TSBP1: variants seen among roughly 807,000 people sequenced by gnomAD.
TSBP1 encodes testis expressed basic protein 1.
Under a neutral mutation model 68.8 loss-of-function variants are expected in TSBP1, and 56 were observed. The ratio of observed to expected loss-of-function variants is 0.81; its 90% CI spans 0.66 to 1.02. The LOEUF is 1.02. TSBP1 is among the 50% of genes least tolerant of loss of function. TSBP1 has a pLI of 0.00. For synonymous variants in TSBP1, 171 were observed against 208.7 expected, an observed-to-expected ratio of 0.82 and a Z score of 1.56; for missense variants, 502 against 641.2, an observed-to-expected ratio of 0.78 and a Z score of 2.34.
intron 8 of TSBP1, among the ~76,000 whole-genome samples, chr6:32,353,495 C>A (rs3117117): frequency 0.87 from 131,784 of 151,964 alleles, 57,214 homozygotes; most frequent in Middle Eastern, 0.95. Flanking sequence ...TTGATTTTAC[C>A]AATTAATCTA....
chr6:32,323,908 T>C, intron 16 of TSBP1: 2 of 413,906 alleles, frequency 4.8e-6, no homozygotes, highest in Non-Finnish European at 8.7e-6. Context: ...GGTGAAAACA[T>C]GGACATACTG....
intron 6 of TSBP1, among the ~76,000 whole-genome samples, chr6:32,363,440 C>T (rs1773293402): frequency 1.3e-5 from 2 of 150,900 alleles, no homozygotes. Flanking sequence ...TTTGTATATC[C>T]TTTCTTCCTT....
chr6:32,368,770 A>G lies in TSBP1; in HGVS notation c.133+12T>C, dbSNP rs769874016. 4 of 1,570,644 alleles carry G rather than the reference A, an allele frequency of 2.5e-6. No individual in the cohort carries two copies. Among genetic ancestry groups the G allele is most frequent in the Non-Finnish European group, 1.7e-6 (2 of 1,148,862 alleles). ...TACTATATTTATTTTTCTCATGAGT[A>G]TAAGTACTTACTTTGTTCTGAACTG... On this transcript the variant is annotated intron_variant, in intron 3 of 22. Transcript: ENST00000612031.
chr6:32,330,687 G>T, intron 15 of TSBP1, 78 bp from the exon 17 acceptor site: 4 of 1,436,958 alleles, frequency 2.8e-6, no homozygotes, highest in Non-Finnish European at 3.7e-6. Flanking sequence ...TCTATTTTTT[G>T]AGACAGAGTC....
chr6:32,370,311 G>C (rs1774240226), intron 1 of TSBP1, among the ~76,000 whole-genome samples: 1 of 150,986 alleles, frequency 6.6e-6, no homozygotes, highest in African/African-American at 2.4e-5. Flanking sequence ...GGGAATCAGT[G>C]GTCTACGAAG....
At chr6:32,334,764 T>G (rs9378257) in intron 14 of TSBP1, among the ~76,000 whole-genome samples, 50,955 of 151,952 alleles carry the variant, frequency 0.34, 9,558 homozygotes, top group Middle Eastern at 0.52. Flanking sequence ...CCAGGCGCAG[T>G]GGCTCACGCC....
rs150562990 is a variant in TSBP1, at chr6:32,361,663, C to T, written c.217+4504G>A. Among the ~76,000 whole-genome samples, 76 of 152,114 alleles carry T rather than the reference C, an allele frequency of 5.0e-4. No homozygotes were observed. The highest frequency in any genetic ancestry group is 1.7e-3 in the African/African-American group (72 of 41,496). On this transcript the variant is annotated intron_variant, in intron 6 of 22. Transcript: ENST00000612031. This position sits in a 1 kb window ranked among gnomAD's most constrained non-coding sequence, Gnocchi z 4.3. The stretch of plus-strand genomic sequence containing the variant: ...TATTTTTTCATATGTCTGTTGGCTG[C>T]GTAAATGTCTTCTTTTAAGAATTGT...
intron 19 of TSBP1, among the ~76,000 whole-genome samples, chr6:32,311,700 G>A (rs1766418034): frequency 6.6e-6 from 1 of 152,180 alleles, no homozygotes; most frequent in Admixed American, 6.5e-5. Flanking sequence ...CAAAGGAATG[G>A]TGTTGTAGGG....
At chr6:32,332,686 T>C (rs750973985) in intron 14 of TSBP1, among the ~76,000 whole-genome samples, 3 of 152,116 alleles carry the variant, frequency 2.0e-5, no homozygotes, top group Non-Finnish European at 4.4e-5. Context: ...CCTAGCTCAC[T>C]ACAGTCTCGA....
exon 23 of TSBP1, chr6:32,293,733 T>C: frequency 6.2e-7 from 1 of 1,612,740 alleles, no homozygotes; most frequent in South Asian, 1.1e-5. Context: ...TGTGGTATAC[T>C]CATCTCACTG....
intron 9 of TSBP1, among the ~76,000 whole-genome samples, chr6:32,344,274 CTCCA>C (rs1562151076): frequency 5.0e-4 from 38 of 76,390 alleles, no homozygotes; most frequent in Admixed American, 5.7e-4. Flanking sequence ...ACCCCCCACC[CTCCA>C]CCCCACAACA....
At chr6:32,331,326 A>G (rs1768993461) in intron 15 of TSBP1, among the ~76,000 whole-genome samples, 1 of 152,312 alleles carries the variant, frequency 6.6e-6, no homozygotes, top group Non-Finnish European at 1.5e-5. Flanking sequence ...AAGTTATTCT[A>G]ATGATTACTG....
chr6:32,339,042 T>G (rs775545162), intron 10 of TSBP1, 43 bp from the exon 12 acceptor site: 9 of 1,555,720 alleles, frequency 5.8e-6, no homozygotes, highest in Non-Finnish European at 8.0e-6. Context: ...AGAGCATGAC[T>G]CAAGGGTGTT....
At chr6:32,362,426 C>G (rs1004126163) in intron 6 of TSBP1, among the ~76,000 whole-genome samples, 2 of 152,272 alleles carry the variant, frequency 1.3e-5, no homozygotes, top group African/African-American at 2.4e-5. Context: ...CATGCGCCCC[C>G]TCAGCCTTGG....
exon 23 of TSBP1, chr6:32,293,752 T>C (rs1582948314): frequency 6.2e-7 from 1 of 1,612,826 alleles, no homozygotes; most frequent in South Asian, 1.1e-5. Flanking sequence ...TGATTTTTAG[T>C]TGGGTTTCCT....
Position 32,333,776 on chromosome 6 carries a change from T to G in TSBP1, c.472+1661A>C, listed in dbSNP as rs144236220. 9.2e-5 allele frequency among the ~76,000 whole-genome samples: 14 copies of G among 152,302 alleles called. No homozygotes were observed. The highest frequency in any genetic ancestry group is 3.1e-4 in the African/African-American group (13 of 41,534). On this transcript the variant is annotated intron_variant, in intron 14 of 22. Transcript: ENST00000612031. This position sits in a 1 kb window ranked among gnomAD's most constrained non-coding sequence, Gnocchi z 4.2. ...CTAAAAAGACCATATCTTCACCCAGTGGGCATTGCAGTTAATAATCCTTCA... is the reference window on the plus strand; with the variant it reads ...CTAAAAAGACCATATCTTCACCCAGGGGGCATTGCAGTTAATAATCCTTCA...
intron 16 of TSBP1, among the ~76,000 whole-genome samples, chr6:32,329,346 G>A (rs1247262087): frequency 6.6e-6 from 1 of 152,182 alleles, no homozygotes; most frequent in Non-Finnish European, 1.5e-5. Context: ...GCCCCAGTGA[G>A]ATCCTCTGAG....
In TSBP1 at chr6:32,302,667, T is replaced by C. The variant is rs1765424150; in HGVS notation, c.581-38A>G. ...ACAAGAAAATAGGTTAATGGCAGCA[T>C]TTTTGGAACAGAAGTACAGTTCTTT... On this transcript the variant is annotated intron_variant, in intron 19 of 22. Transcript: ENST00000612031. This position sits in a 1 kb window ranked among gnomAD's most constrained non-coding sequence, Gnocchi z 5.1. 1.3e-6 allele frequency: 2 copies of C among 1,502,034 alleles called. No individual in the cohort carries two copies. The highest frequency in any genetic ancestry group is 4.6e-5 in the Admixed American group (2 of 43,920). The allele number at this position is 1,502,034 out of a possible 1,614,324, so 93.0% of individuals were successfully genotyped here.
At position 32,316,755 on chromosome 6, in the gene TSBP1, G is replaced by A. The variant is rs1583022075; in HGVS notation, c.560-963C>T. Among the ~76,000 whole-genome samples, 1 of 152,252 alleles carries A rather than the reference G, an allele frequency of 6.6e-6. No individual in the cohort carries two copies. Among genetic ancestry groups the A allele is most frequent in the East Asian group, 1.9e-4 (1 of 5,184 alleles). ...CAGGGAGAAGCTAGATTAGCAGAGGGCAGAGGAAACTGGGAGCTTTGAGTC... is the reference window on the plus strand; with the variant it reads ...CAGGGAGAAGCTAGATTAGCAGAGGACAGAGGAAACTGGGAGCTTTGAGTC... On this transcript the variant is annotated intron_variant, in intron 18 of 22. Transcript: ENST00000612031. This position sits in a 1 kb window ranked among gnomAD's most constrained non-coding sequence, Gnocchi z 4.5.
Sources: allele counts gnomAD v4.1 joint callset (sites outside exome capture counted in the v4.1 genomes callset), GRCh38; gene constraint gnomAD v4.1.1; non-coding constraint Gnocchi (gnomAD v3.1); transcripts MANE v1.5; gene names NCBI Gene and HGNC (gene_info 2026-07-23, HGNC 2026-07-21).